The following UBR3 variants were observed in gnomAD, a reference collection of about 807,000 sequenced individuals.
The protein encoded by UBR3 is E3 ubiquitin-protein ligase UBR3.
UBR3 carries 85 observed loss-of-function variants against 243.2 expected under a neutral mutation model. The ratio of observed to expected loss-of-function variants is 0.35; its 90% CI spans 0.29 to 0.42. The LOEUF is 0.42. Ranked by LOEUF, UBR3 falls within the 10% of genes least tolerant of loss-of-function variation. The pLI is 1.00. For synonymous variants in UBR3, 748 were observed against 799.8 expected, an observed-to-expected ratio of 0.94 and a Z score of 1.09; for missense variants, 1,686 against 2,300.8, an observed-to-expected ratio of 0.73 and a Z score of 5.47.
intron 1 of UBR3, among the ~76,000 whole-genome samples, chr2:169,865,187 A>AT (rs144541729): frequency 0.077 from 11,684 of 152,088 alleles, 462 homozygotes; most frequent in African/African-American, 0.086. Flanking sequence ...TTTAAAAAAG[A>AT]TTTTTTTAAG....
Position 169,878,593 on chromosome 2 carries a change from A to T in UBR3, c.1038+19A>T. The T allele has an allele frequency of 3.2e-6, 5 of 1,545,874 alleles. No homozygotes were observed. Among genetic ancestry groups the T allele is most frequent in the Non-Finnish European group, 3.5e-6 (4 of 1,144,268 alleles). ...AGATGAGGTGAGATTTAAAGTTCAA[A>T]ACTTTTTAAAAAGTACAATTTTGTG... On this transcript the variant is annotated intron_variant, in intron 5 of 38. Coordinates refer to ENST00000272793, the MANE Select transcript of UBR3 (RefSeq NM_172070.4).
At chr2:169,870,951 G>T (rs2083418347) in intron 1 of UBR3, among the ~76,000 whole-genome samples, 1 of 150,872 alleles carries the variant, frequency 6.6e-6, no homozygotes. Context: ...ACTGTGCCTG[G>T]CCAAAACTGT....
intron 10 of UBR3, among the ~76,000 whole-genome samples, chr2:169,912,766 C>T (rs1574184731): frequency 1.5e-5 from 2 of 136,244 alleles, no homozygotes; most frequent in Admixed American, 1.4e-4. Context: ...ATTTAACTTA[C>T]CAAAGAACTG....
chr2:169,896,762 CTATTATT>C, intron 8 of UBR3, 27 bp downstream of exon 8: 1 of 1,457,452 alleles, frequency 6.9e-7, no homozygotes, highest in Middle Eastern at 1.8e-4. Flanking sequence ...TTCACTAGTT[CTATTATT>C]ATCAGTATTA....
At chr2:169,991,241 C>T (rs1301190572) in intron 25 of UBR3, among the ~76,000 whole-genome samples, 1 of 152,232 alleles carries the variant, frequency 6.6e-6, no homozygotes, top group Non-Finnish European at 1.5e-5. Context: ...GAAATAGATA[C>T]TTCTAAAATA....
intron 36 of UBR3, 133 bp downstream of exon 36, chr2:170,073,740 G>A: frequency 1.2e-6 from 1 of 833,156 alleles, no homozygotes; most frequent in Non-Finnish European, 1.8e-6. Context: ...TGAAAAAATT[G>A]TTTACTTATG....
chr2:169,917,667 T>C (rs2085514787), intron 11 of UBR3, among the ~76,000 whole-genome samples: 1 of 152,186 alleles, frequency 6.6e-6, no homozygotes, highest in African/African-American at 2.4e-5. Context: ...AAATTAAGTA[T>C]AGAACTTAAA....
chr2:169,831,811 T>G (rs1425932428), intron 1 of UBR3, among the ~76,000 whole-genome samples: 1 of 152,208 alleles, frequency 6.6e-6, no homozygotes, highest in African/African-American at 2.4e-5. Flanking sequence ...TTTTCTAAGT[T>G]TTTGGTATTT....
At chr2:169,851,165 C>CA (rs1295506850) in intron 1 of UBR3, among the ~76,000 whole-genome samples, 3 of 152,148 alleles carry the variant, frequency 2.0e-5, no homozygotes, top group African/African-American at 7.2e-5. Flanking sequence ...CGTTCTGTTG[C>CA]ACAGGCTACA....
At chr2:169,829,977 A>G (rs2081880877) in intron 1 of UBR3, among the ~76,000 whole-genome samples, 1 of 152,042 alleles carries the variant, frequency 6.6e-6, no homozygotes, top group African/African-American at 2.4e-5. Flanking sequence ...AGGGTTACAT[A>G]CTTTCCACTG....
chr2:169,841,975 T>G (rs2082309193), intron 1 of UBR3, among the ~76,000 whole-genome samples: 1 of 152,232 alleles, frequency 6.6e-6, no homozygotes, highest in Admixed American at 6.5e-5. Flanking sequence ...CGGGATCCAC[T>G]AGGTGAAGCC....
intron 36 of UBR3, among the ~76,000 whole-genome samples, chr2:170,073,830 C>A (rs2091751033): frequency 6.6e-6 from 1 of 151,972 alleles, no homozygotes; most frequent in African/African-American, 2.4e-5. Flanking sequence ...TGTTTGGGGT[C>A]AGCAGATTTT....
chr2:169,916,545 G>A (rs1314394781), intron 11 of UBR3, among the ~76,000 whole-genome samples: 2 of 151,836 alleles, frequency 1.3e-5, no homozygotes, highest in African/African-American at 2.4e-5. Context: ...CACCCTCTTC[G>A]TGCTTGAAAC....
intron 30 of UBR3, among the ~76,000 whole-genome samples, chr2:170,026,404 C>T (rs2105420019): frequency 6.6e-6 from 1 of 151,968 alleles, no homozygotes; most frequent in African/African-American, 2.4e-5. Flanking sequence ...TGTATGTAAG[C>T]CCAACTTACA....
At chr2:169,860,834 G>T (rs994968772) in intron 1 of UBR3, among the ~76,000 whole-genome samples, 9 of 152,176 alleles carry the variant, frequency 5.9e-5, no homozygotes, top group Non-Finnish European at 1.3e-4. Context: ...TCATCTGCAA[G>T]TTGAGGAGCA....
intron 1 of UBR3, among the ~76,000 whole-genome samples, chr2:169,835,380 CA>C (rs1650480619): frequency 6.6e-6 from 1 of 151,370 alleles, no homozygotes; most frequent in Non-Finnish European, 1.5e-5. Flanking sequence ...GAAAAGAAAG[CA>C]AAAAACAAAC....
At chr2:169,970,326 AT>A (rs140941946) in intron 24 of UBR3, among the ~76,000 whole-genome samples, 4 of 140,736 alleles carry the variant, frequency 2.8e-5, no homozygotes, top group African/African-American at 8.0e-5. Context: ...AACACTACTG[AT>A]TTTTTTTTAT....
rs745979789 is a variant in UBR3, at chr2:170,061,421, G to T, written c.4997G>T (p.Gly1666Val). The change falls in exon 35 of 39, where the codon GGG becomes GTG. Residue 1666 changes from glycine (G) to valine (V), a missense_variant. Physicochemically the swap from Gly to Val is moderately radical, Grantham distance 109. Around this residue, in one of 8 missense-constraint regions of UBR3, gnomAD observed 371 missense variants for 422.5 expected, o/e 0.88. Transcript: ENST00000272793. The part of the protein sequence containing the change: ...ITSLLQHHLF[G>V]EDLPSCQEEE... ...AGCCTTCTTCAGCACCACCTTTTTG[G>T]GGAAGATTTACCTAGCTGCCAGGTA... is the stretch of plus-strand genomic sequence containing the variant. 1 of 1,613,636 alleles carries T rather than the reference G, an allele frequency of 6.2e-7. No homozygotes were observed. Among genetic ancestry groups the T allele is most frequent in the South Asian group, 1.1e-5 (1 of 91,034 alleles).
chr2:169,952,847 G>T (rs1010665681), intron 23 of UBR3, among the ~76,000 whole-genome samples: 1 of 152,100 alleles, frequency 6.6e-6, no homozygotes, highest in African/African-American at 2.4e-5. Context: ...ATATAATTCA[G>T]ATGACCATTC....
Sources: gnomAD v4.1 joint callset for allele counts (sites outside exome capture counted in the v4.1 genomes callset) on GRCh38, gnomAD v4.1.1 for gene constraint, gnomAD v4.1.1 regional missense constraint, MANE v1.5 for transcripts, NCBI Gene and HGNC (gene_info 2026-07-23, HGNC 2026-07-21) for gene names.